CNTN6: variants seen among roughly 807,000 people sequenced by gnomAD.
CNTN6 encodes contactin-6.
CNTN6 carries 137 observed loss-of-function variants against 122.8 expected under a neutral mutation model. The ratio of observed to expected loss-of-function variants is 1.12; its 90% confidence interval spans 0.97 to 1.29. The LOEUF (loss-of-function observed/expected upper bound fraction) is 1.29. Among genes scored for constraint, CNTN6 ranks in the 50% most tolerant of loss-of-function variants. The pLI, the probability that CNTN6 is intolerant of heterozygous loss-of-function variation, is 0.00. For missense variants in CNTN6, 1,634 were observed against 1,223.4 expected, an observed-to-expected ratio of 1.34 and a Z score of -5.01; for synonymous variants, 570 against 426.0, an observed-to-expected ratio of 1.34 and a Z score of -4.16.
chr3:1,242,527 G>C (rs934783268), intron 4 of CNTN6, among the ~76,000 whole-genome samples: 2 of 151,384 alleles, frequency 1.3e-5, no homozygotes, highest in Non-Finnish European at 2.9e-5. Context: ...TTAATCCTTT[G>C]AAAGCGTGCT....
At chr3:1,383,664 C>CA (rs373934800) in intron 19 of CNTN6, among the ~76,000 whole-genome samples, 118 of 145,144 alleles carry the variant, frequency 8.1e-4, no homozygotes, top group Middle Eastern at 3.6e-3. Flanking sequence ...AAAACAAAAA[C>CA]AAAAAAAAAC....
intron 11 of CNTN6, among the ~76,000 whole-genome samples, chr3:1,343,952 A>G (rs1187146369): frequency 6.6e-6 from 1 of 152,152 alleles, no homozygotes; most frequent in African/African-American, 2.4e-5. Context: ...GCATATTTGG[A>G]GAGCAAAAAC....
intron 5 of CNTN6, among the ~76,000 whole-genome samples, chr3:1,289,017 A>G (rs1198184605): frequency 6.6e-6 from 1 of 152,378 alleles, no homozygotes; most frequent in Admixed American, 6.5e-5. Context: ...CTGCTGACTC[A>G]TCACAGGGAA....
At chr3:1,103,860 T>C (rs1283229197) in intron 1 of CNTN6, among the ~76,000 whole-genome samples, 1 of 152,158 alleles carries the variant, frequency 6.6e-6, no homozygotes, top group Non-Finnish European at 1.5e-5. Context: ...CTTTGAGTAT[T>C]AGCCCCCGGA....
intron 2 of CNTN6, among the ~76,000 whole-genome samples, chr3:1,205,030 AGAGG>A (rs1258709221): frequency 1.3e-5 from 2 of 152,182 alleles, no homozygotes; most frequent in African/African-American, 2.4e-5. Context: ...TTGAAGTAGA[AGAGG>A]GAGGTAGAAA....
At chr3:1,106,512 T>A (rs887217405) in intron 1 of CNTN6, among the ~76,000 whole-genome samples, 1 of 139,640 alleles carries the variant, frequency 7.2e-6, no homozygotes, top group Non-Finnish European at 1.5e-5. Context: ...GTGAGACCCC[T>A]GTCTGTAATA....
At chr3:1,272,552 C>T (rs3772321) in intron 4 of CNTN6, among the ~76,000 whole-genome samples, 23,509 of 152,040 alleles carry the variant, frequency 0.15, 2,080 homozygotes, top group South Asian at 0.3. Context: ...TATCATTATT[C>T]AGATTTTTAA....
chr3:1,278,730 T>C (rs571621097), intron 5 of CNTN6, among the ~76,000 whole-genome samples: 62 of 152,314 alleles, frequency 4.1e-4, no homozygotes, highest in African/African-American at 1.4e-3. Flanking sequence ...AGGAGATACA[T>C]CATGGCATTG....
At chr3:1,376,945 C>A (rs1001915470) in intron 16 of CNTN6, 60 bp from the exon 17 acceptor site, 7 of 1,158,482 alleles carry the variant, frequency 6.0e-6, no homozygotes, top group South Asian at 1.4e-5. Flanking sequence ...AAACAAAATT[C>A]TTCCTGATGA....
intron 4 of CNTN6, among the ~76,000 whole-genome samples, chr3:1,241,818 AC>A (rs575106552): frequency 2.5e-4 from 38 of 152,344 alleles, no homozygotes; most frequent in Non-Finnish European, 5.0e-4. Context: ...TAAAGAGTCA[AC>A]TTGGGCCTGG....
chr3:1,183,003 TA>T (rs1247399267), intron 2 of CNTN6, among the ~76,000 whole-genome samples: 1 of 152,184 alleles, frequency 6.6e-6, no homozygotes, highest in African/African-American at 2.4e-5. Context: ...ATTGTTAACT[TA>T]CTGAAAAGCA....
chr3:1,106,259 C>T (rs531596092), intron 1 of CNTN6, among the ~76,000 whole-genome samples: 2 of 151,878 alleles, frequency 1.3e-5, no homozygotes, highest in Admixed American at 6.6e-5. Context: ...CTTCAAAAAC[C>T]CTCCCCAAAT....
At chr3:1,174,632 A>ACT (rs1007059100) in intron 2 of CNTN6, among the ~76,000 whole-genome samples, 4 of 151,554 alleles carry the variant, frequency 2.6e-5, no homozygotes, top group Non-Finnish European at 4.4e-5. Flanking sequence ...ATCAGTGTGA[A>ACT]CTTTGGAGTC....
At chr3:1,104,084 A>T (rs1441531625) in intron 1 of CNTN6, among the ~76,000 whole-genome samples, 1 of 152,156 alleles carries the variant, frequency 6.6e-6, no homozygotes, top group South Asian at 2.1e-4. Flanking sequence ...GCAACTATGA[A>T]CAAGACAGAG....
At chr3:1,122,448 A>AAT (rs1387798726) in intron 1 of CNTN6, among the ~76,000 whole-genome samples, 2 of 149,472 alleles carry the variant, frequency 1.3e-5, no homozygotes, top group African/African-American at 5.0e-5. Context: ...ATTGAAGTAT[A>AAT]ATTCCCATGA....
chr3:1,190,851 AG>A (rs1344245940), intron 2 of CNTN6, among the ~76,000 whole-genome samples: 1 of 152,164 alleles, frequency 6.6e-6, no homozygotes, highest in Non-Finnish European at 1.5e-5. Flanking sequence ...GTTTTCCCAA[AG>A]CAATTTATTA....
At chr3:1,152,061 T>C (rs1247369163) in intron 2 of CNTN6, among the ~76,000 whole-genome samples, 2 of 152,250 alleles carry the variant, frequency 1.3e-5, no homozygotes, top group East Asian at 3.8e-4. Context: ...ACTGTAAGTC[T>C]ACTTTTTGTC....
intron 7 of CNTN6, among the ~76,000 whole-genome samples, chr3:1,305,624 AACTCTATTCT>A (rs1220882055): frequency 6.6e-6 from 1 of 152,146 alleles, no homozygotes; most frequent in Non-Finnish European, 1.5e-5. Flanking sequence ...TATCCCCCAT[AACTCTATTCT>A]ACTGCTTTTA....
intron 1 of CNTN6, among the ~76,000 whole-genome samples, chr3:1,117,893 G>C (rs1426141890): frequency 6.6e-6 from 1 of 152,138 alleles, no homozygotes; most frequent in African/African-American, 2.4e-5. Flanking sequence ...CAGAGAAACT[G>C]AGCTTCAGTT....
Sources: gnomAD v4.1 joint callset for allele counts (sites outside exome capture counted in the v4.1 genomes callset) on GRCh38, gnomAD v4.1.1 for gene constraint, MANE v1.5 for transcripts, NCBI Gene and HGNC (gene_info 2026-07-23, HGNC 2026-07-21) for gene names.